The following RBM5 variants were observed in gnomAD, a reference collection of about 807,000 sequenced individuals.
RBM5 encodes RNA binding motif protein 5.
Under a neutral mutation model 124.6 loss-of-function variants are expected in RBM5, and 15 were observed. That is an observed-to-expected ratio of 0.12 (90% CI 0.08 to 0.19). RBM5 has a LOEUF of 0.19. Among genes scored for constraint, RBM5 ranks in the 10% least tolerant of loss-of-function variants. The probability of loss-of-function intolerance (pLI) is 1.00; values close to 1 mark genes in which losing one functional copy is unlikely to be tolerated. For synonymous variants in RBM5, 337 were observed against 361.2 expected (o/e 0.93, Z 0.76); for missense variants, 580 against 1,026.5 (o/e 0.57, Z 5.94).
chr3:50,092,162 G>A lies in RBM5; in HGVS notation c.137G>A (p.Arg46Gln), dbSNP rs372517136. The A allele has an allele frequency of 5.0e-6, 8 of 1,613,848 alleles. No individual in the cohort carries two copies. Among genetic ancestry groups the A allele is most frequent in the African/African-American group, 4.0e-5 (3 of 74,874 alleles). The change falls in exon 3 of 25, where the codon CGG becomes CAG. Residue 46 changes from arginine to glutamine, a missense_variant. By Grantham distance (43) the Arg-to-Gln change is conservative. This residue lies in a region of RBM5 where 99 missense variants were observed against 121.1 expected (regional missense o/e 0.82). Transcript: ENST00000347869. ...GATTACAAAAGATCTAGTGATGATCGGAGGGGTGATAGATATGATGACTAC... is the reference window on the plus strand; with the variant it reads ...GATTACAAAAGATCTAGTGATGATCAGAGGGGTGATAGATATGATGACTAC... ...DSDYKRSSDD[R>Q]RGDRYDDYRD...
rs2090925294 is a variant in RBM5, at chr3:50,100,920, G to A, written c.483+315G>A. ...TATATTCCTATTATGTCCATTGAGA[G>A]TAAGCTTAGTATATCAAACTCTCCA... On this transcript the variant is annotated intron_variant, in intron 6 of 24. Transcript: ENST00000347869. This position sits in a 1 kb window ranked among gnomAD's most constrained non-coding sequence, Gnocchi z 5.1. The A allele has an allele frequency of 3.0e-5, 7 of 231,410 alleles. No individual in the cohort carries two copies. In the South Asian group the frequency reaches 1.1e-3, roughly 35 times the overall value. 14.3% of individuals were successfully genotyped at this position (231,410 alleles called of 1,614,324 possible).
At chr3:50,114,316 A>G (rs1193456821) in intron 20 of RBM5, 65 bp downstream of exon 20, 3 of 1,478,352 alleles carry the variant, frequency 2.0e-6, no homozygotes, top group East Asian at 2.3e-5. Context: ...TTAAGGCTCA[A>G]CTGCATCTTG....
chr3:50,108,720 A>G (rs1033824224), intron 14 of RBM5, among the ~76,000 whole-genome samples: 1 of 152,058 alleles, frequency 6.6e-6, no homozygotes, highest in African/African-American at 2.4e-5. Context: ...AAGAAAAAAA[A>G]AAGAATGTAG....
chr3:50,103,475 C>T (rs1025159851), intron 7 of RBM5, among the ~76,000 whole-genome samples: 2 of 152,092 alleles, frequency 1.3e-5, no homozygotes, highest in Non-Finnish European at 2.9e-5. Context: ...GGCAAAACCC[C>T]GTCTCTACTA....
intron 17 of RBM5, chr3:50,112,589 G>T (rs2091168405): frequency 6.6e-6 from 1 of 152,346 alleles, no homozygotes; most frequent in South Asian, 2.1e-4. Flanking sequence ...GCTGAGCTTG[G>T]GTCCCTTCAC....
At chr3:50,116,025 T>A (rs1259562988) in intron 22 of RBM5, 45 bp downstream of exon 22, 1 of 1,533,726 alleles carries the variant, frequency 6.5e-7, no homozygotes, top group Non-Finnish European at 9.0e-7. Flanking sequence ...TTGGGATAAT[T>A]GCCTTTAGCT....
At chr3:50,108,042 G>C (rs965112157) in intron 12 of RBM5, 28 bp from the exon 13 acceptor site, 4 of 1,563,054 alleles carry the variant, frequency 2.6e-6, no homozygotes, top group Admixed American at 3.3e-5. Flanking sequence ...TACTAAGTTT[G>C]TCTTTGTCTC....
intron 9 of RBM5, 110 bp from the exon 10 acceptor site, chr3:50,105,439 C>G: frequency 8.4e-7 from 1 of 1,192,352 alleles, no homozygotes; most frequent in Non-Finnish European, 1.2e-6. Flanking sequence ...GTAGAAAATA[C>G]ACTAGGAATG....
In RBM5 at chr3:50,103,068, C is replaced by T. The variant is rs1559685646; in HGVS notation, c.484-15C>T. ...TCCTCACAATGGGAATAACTAATTACTTCTTTTCTTACAGAAAAAGTTGGT... is the reference window on the plus strand; with the variant it reads ...TCCTCACAATGGGAATAACTAATTATTTCTTTTCTTACAGAAAAAGTTGGT... On this transcript the variant is annotated splice_polypyrimidine_tract_variant and intron_variant, in intron 6 of 24. Coordinates refer to ENST00000347869, the MANE Select transcript of RBM5 (RefSeq NM_005778.4). 1 of 1,571,360 alleles carries T rather than the reference C, an allele frequency of 6.4e-7. No individual in the cohort carries two copies. The highest frequency in any genetic ancestry group is 8.8e-7 in the Non-Finnish European group (1 of 1,141,324).
At chr3:50,106,567 G>T (rs1031323386) in intron 10 of RBM5, among the ~76,000 whole-genome samples, 200 bp from the exon 11 acceptor site, 1 of 152,178 alleles carries the variant, frequency 6.6e-6, no homozygotes, top group Admixed American at 6.6e-5. Flanking sequence ...TTTAGCATTT[G>T]CTCTTTTGGT....
Position 50,105,616 on chromosome 3 carries a change from C to T in RBM5, c.762C>T (p.Tyr254=), listed in dbSNP as rs934502594. Residue 254 remains tyrosine (Y), a synonymous_variant, in exon 10 of 25, where the codon TAC becomes TAT. Coordinates refer to ENST00000347869, the MANE Select transcript of RBM5 (RefSeq NM_005778.4). The part of the protein sequence containing the change: ...VDSIMTALSP[Y]ASLAVNNIRL... ...CCATCATGACAGCACTGTCTCCTTACGCGTCTTTAGCTGTCAATAACATCC... is the reference window on the plus strand; with the variant it reads ...CCATCATGACAGCACTGTCTCCTTATGCGTCTTTAGCTGTCAATAACATCC... The T allele has an allele frequency of 9.9e-6, 16 of 1,614,034 alleles. No homozygotes were observed. Among genetic ancestry groups the T allele is most frequent in the African/African-American group, 2.7e-5 (2 of 74,936 alleles).
At chr3:50,091,537 T>G (rs2090701916) in intron 2 of RBM5, among the ~76,000 whole-genome samples, 1 of 152,202 alleles carries the variant, frequency 6.6e-6, no homozygotes, top group Admixed American at 6.5e-5. Context: ...GACAGACAAC[T>G]AAGTTGCCTG....
At chr3:50,107,130 G>A (rs2091047999) in intron 11 of RBM5, 2 of 672,610 alleles carry the variant, frequency 3.0e-6, no homozygotes, top group Non-Finnish European at 5.5e-6. Context: ...TTTGCAAACT[G>A]CAGCAGTATA....
In RBM5 at chr3:50,100,970, A is replaced by C. The variant is rs1405632375; in HGVS notation, c.483+365A>C. ...ATTTGACAGTGAAGAGAACATAGTG[A>C]AAGTCTGTGGCGGCATTTTTATAAG... is the stretch of plus-strand genomic sequence containing the variant. On this transcript the variant is annotated intron_variant, in intron 6 of 24. Coordinates refer to ENST00000347869, the MANE Select transcript of RBM5 (RefSeq NM_005778.4). The surrounding 1 kb of genome is among the most constrained non-coding windows in gnomAD (Gnocchi z 5.1). 1 of 173,922 alleles carries C rather than the reference A, an allele frequency of 5.7e-6. No individual in the cohort carries two copies. Among genetic ancestry groups the C allele is most frequent in the Non-Finnish European group, 1.2e-5 (1 of 82,840 alleles). 10.8% of individuals were successfully genotyped at this position (173,922 alleles called of 1,614,324 possible). A position where few individuals can be genotyped will look rare whatever the true frequency, so the allele number is the denominator to read the frequency against.
intron 17 of RBM5, among the ~76,000 whole-genome samples, chr3:50,111,719 C>T (rs960252366): frequency 6.6e-6 from 1 of 152,154 alleles, no homozygotes; most frequent in African/African-American, 2.4e-5. Flanking sequence ...CAATAGATTA[C>T]CTTTTGTGTC....
Position 50,117,494 on chromosome 3 carries a change from G to A in RBM5, c.2322+115G>A, listed in dbSNP as rs539975777. 47 of 1,442,964 alleles carry A rather than the reference G, an allele frequency of 3.3e-5. No homozygotes were observed. The African/African-American group carries it at 5.5e-4, about 17-fold the overall frequency. The allele number at this position is 1,442,964 out of a possible 1,614,324, so 89.4% of individuals were successfully genotyped here. A position where few individuals can be genotyped will look rare whatever the true frequency, so the allele number is the denominator to read the frequency against. On this transcript the variant is annotated intron_variant, in intron 24 of 24. Transcript: ENST00000347869. The surrounding 1 kb of genome is among the most constrained non-coding windows in gnomAD (Gnocchi z 4.2). ...GGAGCAGCTTTACCTTAGCATGAAG[G>A]GGCAGATTACAGGCATGAGCTCACA...
At chr3:50,118,022 C>T in intron 24 of RBM5, 3 of 393,450 alleles carry the variant, frequency 7.6e-6, no homozygotes, top group Non-Finnish European at 1.4e-5. Context: ...ATAATGTGTG[C>T]CTGTAATTAC....
chr3:50,093,571 CT>C, intron 3 of RBM5, 148 bp from the exon 4 acceptor site: 8 of 784,316 alleles, frequency 1.0e-5, no homozygotes, highest in Non-Finnish European at 1.3e-5. Flanking sequence ...AGACCCCTGT[CT>C]CAAAAAAAAA....
chr3:50,094,935 G>A (rs755236671), intron 4 of RBM5, among the ~76,000 whole-genome samples: 1 of 152,180 alleles, frequency 6.6e-6, no homozygotes, highest in Non-Finnish European at 1.5e-5. Flanking sequence ...GGTGGCTCAT[G>A]CCTGTAATCC....
Sources: allele counts gnomAD v4.1 joint callset (sites outside exome capture counted in the v4.1 genomes callset), GRCh38; gene constraint gnomAD v4.1.1; regional missense constraint gnomAD v4.1.1; non-coding constraint Gnocchi (gnomAD v3.1); transcripts MANE v1.5; gene names NCBI Gene and HGNC (gene_info 2026-07-23, HGNC 2026-07-21).